Variants in ZNF787 observed in about 807,000 individuals in gnomAD.
ZNF787 encodes zinc finger protein 787, also known as TTF-I-interacting peptide 20.
In ZNF787, 7 loss-of-function variants were observed where a neutral mutation model predicts 16.9. That is an observed-to-expected ratio of 0.42 (90% CI 0.24 to 0.78). The LOEUF is 0.78. Among genes scored for constraint, ZNF787 ranks in the 30% least tolerant of loss-of-function variants. ZNF787 has a pLI of 0.30. For synonymous variants in ZNF787, 345 were observed against 270.9 expected (o/e 1.27, Z -2.69); for missense variants, 551 against 589.3 (o/e 0.94, Z 0.67).
At chr19:56,103,859 G>A (rs578727) in intron 1 of ZNF787, among the ~76,000 whole-genome samples, 30,050 of 36,236 alleles carry the variant, frequency 0.83, 12,860 homozygotes, top group South Asian at 0.95. Context: ...GCACGACACC[G>A]CCGACCCGTG....
At position 56,094,661 on chromosome 19, in the gene ZNF787, C is replaced by T. The variant is rs534627494; in HGVS notation, c.80-5569G>A. ...TGTGATTATGCTGTTCTTTCACACGCTGCACTGCCTCAGCTCGTTCACAAT... is the reference window on the plus strand; with the variant it reads ...TGTGATTATGCTGTTCTTTCACACGTTGCACTGCCTCAGCTCGTTCACAAT... On this transcript the variant is annotated intron_variant, in intron 2 of 2. Coordinates refer to ENST00000610935, the MANE Select transcript of ZNF787 (RefSeq NM_001002836.4). Among the ~76,000 whole-genome samples, 3 of 152,300 alleles carry T rather than the reference C, an allele frequency of 2.0e-5. No homozygotes were observed. The East Asian group carries it at 5.8e-4, about 29-fold the overall frequency.
intron 2 of ZNF787, among the ~76,000 whole-genome samples, chr19:56,094,505 C>T (rs1447333542): frequency 6.6e-6 from 1 of 151,598 alleles, no homozygotes; most frequent in Non-Finnish European, 1.5e-5. Context: ...AAATGATCCT[C>T]CTTCTTGCCT....
intron 1 of ZNF787, among the ~76,000 whole-genome samples, chr19:56,110,727 G>C (rs963437988): frequency 6.6e-6 from 1 of 152,168 alleles, no homozygotes; most frequent in African/African-American, 2.4e-5. Flanking sequence ...CTCCACCTCC[G>C]GCCAGCTTCC....
intron 1 of ZNF787, among the ~76,000 whole-genome samples, chr19:56,120,932 G>GC (rs1380835881): frequency 9.8e-6 from 1 of 101,640 alleles, no homozygotes; most frequent in African/African-American, 3.7e-5. Context: ...CCCGCTCGCC[G>GC]CCCGCGGGCC....
chr19:56,099,240 A>T (rs1020927782), intron 2 of ZNF787, among the ~76,000 whole-genome samples: 1 of 152,168 alleles, frequency 6.6e-6, no homozygotes, highest in Non-Finnish European at 1.5e-5. Flanking sequence ...CCGTGAACGA[A>T]GCCTTGCCTG....
At chr19:56,097,145 TC>T (rs1300066713) in intron 2 of ZNF787, among the ~76,000 whole-genome samples, 1 of 152,078 alleles carries the variant, frequency 6.6e-6, no homozygotes, top group East Asian at 1.9e-4. Flanking sequence ...GGCCCTTTTT[TC>T]CCAGCACCCA....
chr19:56,114,198 C>G (rs954256700), intron 1 of ZNF787, among the ~76,000 whole-genome samples: 1 of 152,192 alleles, frequency 6.6e-6, no homozygotes, highest in Non-Finnish European at 1.5e-5. Context: ...CCAGCTGGCC[C>G]GGATCTCGCT....
chr19:56,090,560 G>A (rs957671624), intron 2 of ZNF787, among the ~76,000 whole-genome samples: 1 of 151,940 alleles, frequency 6.6e-6, no homozygotes, highest in South Asian at 2.1e-4. Flanking sequence ...GGTGGCTCAC[G>A]CCTGTAATCC....
At chr19:56,097,508 G>A (rs1985915263) in intron 2 of ZNF787, among the ~76,000 whole-genome samples, 1 of 152,258 alleles carries the variant, frequency 6.6e-6, no homozygotes, top group South Asian at 2.1e-4. Context: ...CCTCAGCCCG[G>A]CAGGCAGTAG....
intron 1 of ZNF787, among the ~76,000 whole-genome samples, chr19:56,113,518 AACACG>A (rs1024466562): frequency 2.2e-4 from 34 of 152,222 alleles, no homozygotes; most frequent in African/African-American, 8.2e-4. Flanking sequence ...ACCGTAATGG[AACACG>A]ACCATAACCA....
intron 2 of ZNF787, among the ~76,000 whole-genome samples, chr19:56,092,046 G>GCCGAAGCCGAAGCCTCACCCTCAC (rs796322719): frequency 2.2e-5 from 3 of 133,866 alleles, no homozygotes; most frequent in Admixed American, 7.2e-5. Context: ...CGAAGCCGAA[G>GCCGAAGCCGAAGCCTCACCCTCAC]CCTCACCCTC....
At chr19:56,091,895 T>A (rs1037157290) in intron 2 of ZNF787, among the ~76,000 whole-genome samples, 2 of 147,910 alleles carry the variant, frequency 1.4e-5, no homozygotes, top group Non-Finnish European at 2.9e-5. Flanking sequence ...GCCGCTCCAC[T>A]TGCCGCAGCC....
intron 1 of ZNF787, among the ~76,000 whole-genome samples, chr19:56,107,671 C>T (rs1421544743): frequency 1.5e-5 from 1 of 67,142 alleles, no homozygotes; most frequent in African/African-American, 6.4e-5. Context: ...GGCCTAGGGG[C>T]AGAAAAGGGA....
At position 56,103,140 on chromosome 19, in the gene ZNF787, T is replaced by G. The variant is rs1986169721; in HGVS notation, c.78A>C (p.Pro26=). 1.9e-6 allele frequency: 3 copies of G among 1,608,414 alleles called. No individual in the cohort carries two copies. The highest frequency in any genetic ancestry group is 1.7e-6 in the Non-Finnish European group (2 of 1,176,470). The part of the protein sequence containing the change: ...EDQQMASHEN[P]VDILIMDDDD... ...CTGGGAAGGCCTCTGGCTGCTCACC[T>G]GGGTTCTCGTGACTGGCCATCTGCT... Residue 26 remains proline, a splice_region_variant and synonymous_variant, in exon 2 of 3, where the codon CCA becomes CCC. Coordinates refer to ENST00000610935, the MANE Select transcript of ZNF787 (RefSeq NM_001002836.4).
At chr19:56,094,782 A>G (rs1308626272) in intron 2 of ZNF787, among the ~76,000 whole-genome samples, 1 of 152,030 alleles carries the variant, frequency 6.6e-6, no homozygotes, top group African/African-American at 2.4e-5. Flanking sequence ...TGGTTCAGGG[A>G]TGAAACTGTT....
In ZNF787 at chr19:56,088,399, G is replaced by A; in HGVS notation, c.773C>T (p.Ala258Val). Residue 258 changes from alanine (A) to valine (V), a missense_variant, in exon 3 of 3, where the codon GCC becomes GTC. This residue lies in a region of ZNF787 where 392 missense variants were observed against 312.7 expected (regional missense o/e 1.25). Coordinates refer to ENST00000610935, the MANE Select transcript of ZNF787 (RefSeq NM_001002836.4). This position sits in a 1 kb window ranked among gnomAD's most constrained non-coding sequence, Gnocchi z 8.6. ...GGCCTTTGCCCCCGCGCCCGCCATG[G>A]CTGCCGCGGCCGCGGCCCCCTCGCC... ...APGEGAAAAA[A>V]MAGAGAKAAG... 9.0e-7 allele frequency: 1 copy of A among 1,107,406 alleles called. No homozygotes were observed. Among genetic ancestry groups the A allele is most frequent in the Non-Finnish European group, 1.1e-6 (1 of 909,038 alleles). The allele number at this position is 1,107,406 out of a possible 1,614,324, so 68.6% of individuals were successfully genotyped here.
intron 2 of ZNF787, among the ~76,000 whole-genome samples, chr19:56,091,951 G>GCCAAAGCCGAAACCGAAA (rs1555775514): frequency 6.9e-5 from 2 of 28,874 alleles, no homozygotes; most frequent in African/African-American, 5.1e-5. Flanking sequence ...CAAAGCCAAA[G>GCCAAAGCCGAAACCGAAA]CCGAAACCGA....
intron 2 of ZNF787, among the ~76,000 whole-genome samples, chr19:56,099,102 G>A (rs890097988): frequency 2.6e-5 from 4 of 152,186 alleles, no homozygotes; most frequent in East Asian, 1.9e-4. Flanking sequence ...AAGTCCTTCT[G>A]GGCTAGGCCA....
rs2123406873 is a variant in ZNF787 at position 56,101,055 on chromosome 19, A to C, written c.79+2084T>G. Among the ~76,000 whole-genome samples, 2 of 138,364 alleles carry C rather than the reference A, an allele frequency of 1.4e-5. 1 individual carries two copies. Among genetic ancestry groups the C allele is most frequent in the African/African-American group, 5.5e-5 (2 of 36,152 alleles). The allele number at this position is 138,364 out of a possible 152,430, so 90.8% of individuals were successfully genotyped here. On this transcript the variant is annotated intron_variant, in intron 2 of 2. Transcript: ENST00000610935. ...AGTCTGTCACTGTCACATAGGAGGGACGCACGTAAGTGGGACCCCACATGC... is the reference window on the plus strand; with the variant it reads ...AGTCTGTCACTGTCACATAGGAGGGCCGCACGTAAGTGGGACCCCACATGC...
Sources: allele counts gnomAD v4.1 joint callset (sites outside exome capture counted in the v4.1 genomes callset), GRCh38; gene constraint gnomAD v4.1.1; regional missense constraint gnomAD v4.1.1; non-coding constraint Gnocchi (gnomAD v3.1); transcripts MANE v1.5; gene names NCBI Gene and HGNC (gene_info 2026-07-23, HGNC 2026-07-21).